Variants in CRY1 observed in about 807,000 individuals in gnomAD.
CRY1 encodes cryptochrome circadian regulator 1.
CRY1 carries 45 observed loss-of-function variants against 76.0 expected under a neutral mutation model. The observed-to-expected ratio is 0.59, with a 90% CI of 0.47 to 0.76. The LOEUF (loss-of-function observed/expected upper bound fraction) is 0.76, where lower values mean the gene tolerates loss of function less well. CRY1 is among the 30% of genes least tolerant of loss of function. The pLI, the probability that CRY1 is intolerant of heterozygous loss-of-function variation, is 0.00. For missense variants in CRY1, 587 were observed against 716.4 expected, an observed-to-expected ratio of 0.82 and a Z score of 2.06; for synonymous variants, 248 against 244.0, an observed-to-expected ratio of 1.02 and a Z score of -0.15.
At chr12:107,063,323 T>G (rs554517310) in intron 1 of CRY1, among the ~76,000 whole-genome samples, 1 of 152,126 alleles carries the variant, frequency 6.6e-6, no homozygotes, top group African/African-American at 2.4e-5. Flanking sequence ...AGAAATAAAT[T>G]TGGTTTTAAA....
intron 2 of CRY1, among the ~76,000 whole-genome samples, chr12:107,017,079 A>G (rs1385837054): frequency 6.6e-6 from 1 of 152,238 alleles, no homozygotes; most frequent in Non-Finnish European, 1.5e-5. Flanking sequence ...ACAAACAGCC[A>G]GAGAAATTCT....
Position 107,009,563 on chromosome 12 carries a change from CATATATATATATATATAT to C in CRY1, c.268-4333_268-4316del, listed in dbSNP as rs869185018. On this transcript the variant is annotated intron_variant, in intron 2 of 12. Coordinates refer to ENST00000008527, the MANE Select transcript of CRY1 (RefSeq NM_004075.5). ...CAGAAAAAACAAAAAAACAAAAAAA[CATATATATATATATATAT>C]ATATATATATATATATATATAAAAT... 8.2e-4 allele frequency among the ~76,000 whole-genome samples: 75 copies of C among 90,966 alleles called. 1 individual carries two copies. Among genetic ancestry groups the C allele is most frequent in the Non-Finnish European group, 1.1e-3 (53 of 48,264 alleles). 59.7% of individuals were successfully genotyped at this position (90,966 alleles called of 152,430 possible). A position where few individuals can be genotyped will look rare whatever the true frequency, so the allele number is the denominator to read the frequency against.
chr12:107,024,900 C>T (rs1952591299), intron 1 of CRY1, among the ~76,000 whole-genome samples: 1 of 152,028 alleles, frequency 6.6e-6, no homozygotes, highest in African/African-American at 2.4e-5. Context: ...AATAGAAACA[C>T]TTAAAAAATA....
chr12:107,020,186 CAA>C (rs5800723), intron 2 of CRY1, among the ~76,000 whole-genome samples: 40 of 134,738 alleles, frequency 3.0e-4, no homozygotes, highest in Non-Finnish European at 3.6e-4. Flanking sequence ...TTCATACAAG[CAA>C]AAAAAAAAAA....
intron 1 of CRY1, among the ~76,000 whole-genome samples, chr12:107,039,380 A>C (rs79215634): frequency 0.016 from 2,399 of 152,294 alleles, 64 homozygotes; most frequent in African/African-American, 0.054. Flanking sequence ...CAACAGAGAG[A>C]AAAGCTCACC....
chr12:107,036,785 A>G (rs1173890976), intron 1 of CRY1, among the ~76,000 whole-genome samples: 1 of 152,010 alleles, frequency 6.6e-6, no homozygotes, highest in Non-Finnish European at 1.5e-5. Context: ...TGTTCTTTCC[A>G]TCCAGAATAC....
intron 1 of CRY1, among the ~76,000 whole-genome samples, chr12:107,085,859 G>C (rs545771022): frequency 6.6e-6 from 1 of 151,806 alleles, no homozygotes; most frequent in East Asian, 1.9e-4. Context: ...CTGCTTACAA[G>C]AGCTTAGAGA....
At chr12:107,061,732 C>G (rs1050361221) in intron 1 of CRY1, among the ~76,000 whole-genome samples, 1 of 152,038 alleles carries the variant, frequency 6.6e-6, no homozygotes, top group Non-Finnish European at 1.5e-5. Context: ...TTCTTCAAAT[C>G]CTATTTCAAT....
intron 1 of CRY1, among the ~76,000 whole-genome samples, chr12:107,069,658 A>G (rs1016918902): frequency 1.4e-5 from 2 of 140,762 alleles, no homozygotes; most frequent in Non-Finnish European, 3.0e-5. Context: ...TATATAAAGT[A>G]TATATAAAGT....
intron 1 of CRY1, among the ~76,000 whole-genome samples, chr12:107,057,664 G>A (rs1952999212): frequency 6.6e-6 from 1 of 151,982 alleles, no homozygotes; most frequent in Non-Finnish European, 1.5e-5. Context: ...CCAGGAGCTG[G>A]GGGCCACAGT....
chr12:107,055,329 C>T (rs1274362407), intron 1 of CRY1, among the ~76,000 whole-genome samples: 1 of 151,558 alleles, frequency 6.6e-6, no homozygotes, highest in Non-Finnish European at 1.5e-5. Context: ...AGAAAAAAAT[C>T]ATAACAAAAT....
At chr12:107,016,685 C>T (rs1952501270) in intron 2 of CRY1, among the ~76,000 whole-genome samples, 1 of 152,090 alleles carries the variant, frequency 6.6e-6, no homozygotes, top group African/African-American at 2.4e-5. Context: ...CAGACTTCTC[C>T]CTGAGCACTA....
chr12:107,044,365 A>G (rs1952828379), intron 1 of CRY1, among the ~76,000 whole-genome samples: 1 of 152,186 alleles, frequency 6.6e-6, no homozygotes, highest in Non-Finnish European at 1.5e-5. Flanking sequence ...CTGCCGCCAC[A>G]AAGTTCTACA....
chr12:107,077,351 C>A (rs1953269204), intron 1 of CRY1, among the ~76,000 whole-genome samples: 1 of 152,180 alleles, frequency 6.6e-6, no homozygotes, highest in Non-Finnish European at 1.5e-5. Context: ...GAACCATAAC[C>A]TTCATCTTTG....
intron 1 of CRY1, among the ~76,000 whole-genome samples, chr12:107,062,358 T>C (rs1371898353): frequency 6.6e-6 from 1 of 152,178 alleles, no homozygotes; most frequent in East Asian, 1.9e-4. Flanking sequence ...CATTCAACAA[T>C]TAATCATGAT....
intron 1 of CRY1, among the ~76,000 whole-genome samples, chr12:107,054,890 G>A (rs1021568288): frequency 4.6e-5 from 7 of 151,996 alleles, no homozygotes; most frequent in African/African-American, 1.4e-4. Flanking sequence ...TTTAATTTTA[G>A]CATTTCAAAT....
In CRY1 at chr12:107,001,905, T is replaced by C; in HGVS notation, c.454A>G (p.Arg152Gly). The C allele has an allele frequency of 6.3e-7, 1 of 1,599,032 alleles. No individual in the cohort carries two copies. The highest frequency in any genetic ancestry group is 8.5e-7 in the Non-Finnish European group (1 of 1,175,906). ...ATTTTGCTGATGAGAGTCTGGAATC[T>C]TTTATAAGTTAGAGGCGGTTGTCCA... is the stretch of plus-strand genomic sequence containing the variant. ...NGGQPPLTYK[R>G]FQTLISKMEP... Residue 152 changes from arginine (R) to glycine (G), a missense_variant, in exon 4 of 13, where the codon AGA (arginine) becomes GGA (glycine). Transcript: ENST00000008527.
rs71076707 is a variant in CRY1, at chr12:107,006,638, C to CGTTTTTTTTTTTTTTTTTTTT, written c.268-1391_268-1390insAAAAAAAAAAAAAAAAAAAAC. On this transcript the variant is annotated intron_variant, in intron 2 of 12. Coordinates refer to ENST00000008527, the MANE Select transcript of CRY1 (RefSeq NM_004075.5). ...CTTGCCAATAATATGTATTAGTAAT[C>CGTTTTTTTTTTTTTTTTTTTT]TTTTTTTTTTTTTTTTTTAGATGAC... 2.2e-5 allele frequency among the ~76,000 whole-genome samples: 3 copies of CGTTTTTTTTTTTTTTTTTTTT among 137,108 alleles called. 1 individual carries two copies. Among genetic ancestry groups the CGTTTTTTTTTTTTTTTTTTTT allele is most frequent in the Non-Finnish European group, 4.6e-5 (3 of 65,238 alleles). The allele number at this position is 137,108 out of a possible 152,430, so 89.9% of individuals were successfully genotyped here.
intron 1 of CRY1, among the ~76,000 whole-genome samples, chr12:107,070,955 C>T (rs1367623291): frequency 1.3e-5 from 2 of 151,522 alleles, no homozygotes; most frequent in African/African-American, 2.4e-5. Flanking sequence ...CCCCCTGCCT[C>T]GGCCTCCCAA....
Sources: allele counts gnomAD v4.1 joint callset (sites outside exome capture counted in the v4.1 genomes callset), GRCh38; gene constraint gnomAD v4.1.1; transcripts MANE v1.5; gene names NCBI Gene and HGNC (gene_info 2026-07-23, HGNC 2026-07-21).